Variants in POM121 observed in about 807,000 individuals in gnomAD.
The protein encoded by POM121 is nuclear envelope pore membrane protein POM 121.
In POM121, 32 loss-of-function variants were observed where a neutral mutation model predicts 81.3. The observed-to-expected ratio is 0.39, with a 90% CI of 0.30 to 0.53. The LOEUF (loss-of-function observed/expected upper bound fraction) is 0.53. POM121 is among the 20% of genes least tolerant of loss of function. The pLI is 0.66. For synonymous variants in POM121, 514 were observed against 694.2 expected, an observed-to-expected ratio of 0.74 and a Z score of 4.08; for missense variants, 1,138 against 1,614.6, an observed-to-expected ratio of 0.70 and a Z score of 5.06.
Position 72,939,482 on chromosome 7 carries a change from C to T in POM121, c.1441+73C>T, listed in dbSNP as rs1414815765. ...TTTGTGGAGGATGTAGAGATTAATA[C>T]CTATTGAAAAAAGGTCTTGAGCATT... On this transcript the variant is annotated intron_variant, in intron 7 of 12. Coordinates refer to ENST00000434423, the MANE Select transcript of POM121 (RefSeq NM_001387691.1). 5.7e-6 allele frequency: 9 copies of T among 1,574,844 alleles called. No individual in the cohort carries two copies. In the Admixed American group the frequency reaches 1.6e-4, roughly 28 times the overall value.
At position 72,945,765 on chromosome 7, in the gene POM121, G is replaced by T. The variant is rs1446704841; in HGVS notation, c.3652+57G>T. ...ATCTGTCTGAGGAGGGGTTGGGCGGGGTGGCAGGTTCCTGGTCCTCTGAGG... is the reference window on the plus strand; with the variant it reads ...ATCTGTCTGAGGAGGGGTTGGGCGGTGTGGCAGGTTCCTGGTCCTCTGAGG... On this transcript the variant is annotated intron_variant, in intron 12 of 12. Transcript: ENST00000434423. 134 of 1,565,226 alleles carry T rather than the reference G, an allele frequency of 8.6e-5. 1 individual carries two copies. The highest frequency in any genetic ancestry group is 1.2e-4 in the Non-Finnish European group (134 of 1,154,436).
At chr7:72,945,759 G>A in intron 12 of POM121, 51 bp downstream of exon 12, 1 of 1,573,682 alleles carries the variant, frequency 6.4e-7, no homozygotes, top group South Asian at 1.2e-5. Context: ...AGGAGGGGTT[G>A]GGCGGGGTGG....
intron 1 of POM121, among the ~76,000 whole-genome samples, chr7:72,882,031 T>C (rs573869439): frequency 5.8e-4 from 89 of 152,322 alleles, no homozygotes; most frequent in Non-Finnish European, 1.0e-3. Context: ...GAAGCTTGTA[T>C]GTATGGGTAG....
chr7:72,930,212 T>C lies in POM121; in HGVS notation c.1275+101T>C, dbSNP rs554821745. ...GCTTAGCCATGTAATCCCAGCACTT[T>C]GGAAGGCCAAAGCGGGAGGATTGCT... On this transcript the variant is annotated intron_variant, in intron 5 of 12. Transcript: ENST00000434423. 4 of 1,428,042 alleles carry C rather than the reference T, an allele frequency of 2.8e-6. No homozygotes were observed. The South Asian group carries it at 5.0e-5, about 18-fold the overall frequency. The allele number at this position is 1,428,042 out of a possible 1,614,324, so 88.5% of individuals were successfully genotyped here. A position where few individuals can be genotyped will look rare whatever the true frequency, so the allele number is the denominator to read the frequency against.
At chr7:72,938,047 G>C (rs1195793662) in intron 5 of POM121, among the ~76,000 whole-genome samples, 1 of 152,048 alleles carries the variant, frequency 6.6e-6, no homozygotes, top group Non-Finnish European at 1.5e-5. Context: ...AATGTGTCCT[G>C]GCTCTTCATT....
At chr7:72,926,130 A>C in intron 1 of POM121, 132 bp from the exon 2 acceptor site, 1 of 979,970 alleles carries the variant, frequency 1.0e-6, no homozygotes, top group Admixed American at 2.6e-5. Context: ...CCATAAAAAC[A>C]CCGTGTTCTG....
chr7:72,936,532 C>T (rs781835759), intron 5 of POM121, among the ~76,000 whole-genome samples: 4 of 152,216 alleles, frequency 2.6e-5, no homozygotes, highest in Non-Finnish European at 5.9e-5. Context: ...CCACCTTGGC[C>T]TCCCAAAGTG....
intron 3 of POM121, among the ~76,000 whole-genome samples, chr7:72,912,168 C>T (rs1793868507): frequency 6.6e-6 from 1 of 152,210 alleles, no homozygotes. Context: ...GCTGGGAGTA[C>T]AGGCATGAGC....
At chr7:72,891,528 TC>T (rs1358127153) in intron 3 of POM121, among the ~76,000 whole-genome samples, 11 of 152,302 alleles carry the variant, frequency 7.2e-5, no homozygotes, top group Non-Finnish European at 1.3e-4. Context: ...TTCCTCAGCC[TC>T]CTGAGTAGCT....
chr7:72,939,379 GC>G lies in POM121; in HGVS notation c.1412del (p.Ala471GlufsTer49). 3 of 1,613,952 alleles carry G rather than the reference GC, an allele frequency of 1.9e-6. No homozygotes were observed. The highest frequency in any genetic ancestry group is 2.5e-6 in the Non-Finnish European group (3 of 1,179,856). On this transcript the variant is annotated frameshift_variant, in exon 7 of 13. Coordinates refer to ENST00000434423, the MANE Select transcript of POM121 (RefSeq NM_001387691.1). LOFTEE classifies it high-confidence loss of function. ...CHHSSSSTPL[A>X]ADRESQGEKA... ...TCATTCCAGTTCTTCAACTCCATTG[GC>G]AGCAGACAGGGAGTCCCAGGGAGAA...
chr7:72,938,441 T>G, intron 5 of POM121, 149 bp from the exon 6 acceptor site: 1 of 942,490 alleles, frequency 1.1e-6, no homozygotes, highest in Admixed American at 2.2e-5. Context: ...TCCTCCCACC[T>G]TGGCCTCCCA....
downstream of POM121, chr7:72,949,981 G>A (rs2530525): frequency 3.3e-4 from 526 of 1,601,746 alleles, no homozygotes; most frequent in Admixed American, 9.3e-4. Flanking sequence ...AGAACACAGG[G>A]GCCGGGTAAA....
chr7:72,934,811 C>A (rs1796358897), intron 5 of POM121, among the ~76,000 whole-genome samples: 2 of 152,056 alleles, frequency 1.3e-5, no homozygotes, highest in Admixed American at 1.3e-4. Context: ...GCAGCACCGT[C>A]TTTGTCTAAT....
chr7:72,890,734 C>G, exon 2 of POM121: 1 of 1,601,874 alleles, frequency 6.2e-7, no homozygotes, highest in South Asian at 1.1e-5. Flanking sequence ...TGGAGAACTA[C>G]AGCCATCTAG....
At chr7:72,888,387 T>G (rs1367349702) in intron 1 of POM121, among the ~76,000 whole-genome samples, 5 of 152,206 alleles carry the variant, frequency 3.3e-5, no homozygotes, top group Admixed American at 3.3e-4. Flanking sequence ...TTTTTGGATT[T>G]TTAGTAGAGA....
At position 72,943,345 on chromosome 7, in the gene POM121, C is replaced by T. The variant is rs1408654177; in HGVS notation, c.3352C>T (p.Pro1118Ser). Reference sequence around the variant, plus strand: ...GAGCTTTGGGATCAATGTGGCCACCCCAGGCTCCAGCACCACCACCGGAGC... The same window carrying T: ...GAGCTTTGGGATCAATGTGGCCACCTCAGGCTCCAGCACCACCACCGGAGC... ...SGSFGINVAT[P>S]GSSTTTGAFS... Residue 1118 changes from proline to serine, a missense_variant, in exon 11 of 13, where the codon CCA becomes TCA. By Grantham distance (74) the Pro-to-Ser change is moderately conservative. This residue lies in a region of POM121 where 336 missense variants were observed against 344.3 expected (regional missense o/e 0.98). Transcript: ENST00000434423. 1.7e-5 allele frequency: 28 copies of T among 1,611,468 alleles called. No homozygotes were observed. The highest frequency in any genetic ancestry group is 3.3e-5 in the Admixed American group (2 of 59,772).
intron 3 of POM121, among the ~76,000 whole-genome samples, chr7:72,900,566 G>A (rs371106960): frequency 2.3e-3 from 346 of 152,056 alleles, no homozygotes; most frequent in Non-Finnish European, 3.5e-3. Flanking sequence ...GTGCAGTGGC[G>A]CAATCTTGGC....
In POM121 at chr7:72,925,258, T is replaced by C; in HGVS notation, c.137T>C (p.Leu46Pro). 1 of 1,534,482 alleles carries C rather than the reference T, an allele frequency of 6.5e-7. No individual in the cohort carries two copies. Among genetic ancestry groups the C allele is most frequent in the Non-Finnish European group, 8.7e-7 (1 of 1,146,310 alleles). ...GGCCTGTCGCTGGTTGGCCTCTTAC[T>C]GTACCTCGTGCCGGCTGCGGCTGCA... ...LLGLSLVGLL[L>P]YLVPAAAALA... Residue 46 changes from leucine to proline, a missense_variant, in exon 1 of 13, where the codon CTG becomes CCG. Leu to Pro is a moderately conservative substitution (Grantham distance 98, BLOSUM62 -3). Transcript: ENST00000434423.
chr7:72,927,243 AAAG>A (rs1795548965), intron 3 of POM121, among the ~76,000 whole-genome samples: 1 of 152,224 alleles, frequency 6.6e-6, no homozygotes, highest in Non-Finnish European at 1.5e-5. Flanking sequence ...GAAATGTGTT[AAAG>A]TTTATTTTCA....
Sources: gnomAD v4.1 joint callset for allele counts (sites outside exome capture counted in the v4.1 genomes callset) on GRCh38, gnomAD v4.1.1 for gene constraint, gnomAD v4.1.1 regional missense constraint, MANE v1.5 for transcripts, NCBI Gene and HGNC (gene_info 2026-07-23, HGNC 2026-07-21) for gene names.